The following CD70 variants were observed in gnomAD, a reference collection of about 807,000 sequenced individuals.
CD70 encodes CD70 molecule, also known as CD70 antigen.
Under a neutral mutation model 9.0 loss-of-function variants are expected in CD70, and 6 were observed. That is an observed-to-expected ratio of 0.67 (90% confidence interval 0.37 to 1.32). CD70 has a LOEUF of 1.32. Ranked by LOEUF, CD70 falls within the 40% of genes most tolerant of loss-of-function variation. The pLI is 0.02. For missense variants in CD70, 235 were observed against 258.7 expected (o/e 0.91, Z 0.63); for synonymous variants, 108 against 112.3 (o/e 0.96, Z 0.24).
chr19:6,589,412 C>T (rs572530294), intron 2 of CD70, among the ~76,000 whole-genome samples: 2 of 147,824 alleles, frequency 1.4e-5, no homozygotes, highest in East Asian at 4.1e-4. Context: ...ATTTATTTGA[C>T]AGAATCTCCC....
At chr19:6,586,828 T>C (rs1375106588) in intron 2 of CD70, among the ~76,000 whole-genome samples, 1 of 131,128 alleles carries the variant, frequency 7.6e-6, no homozygotes, top group East Asian at 2.2e-4. Context: ...AGGTTAGAGA[T>C]CTAAAGGGAA....
Position 6,590,559 on chromosome 19 carries a change from G to A in CD70, c.162+282C>T, listed in dbSNP as rs916629884. On this transcript the variant is annotated intron_variant, in intron 1 of 2. Transcript: ENST00000245903. The surrounding 1 kb of genome is among the most constrained non-coding windows in gnomAD (Gnocchi z 5.3). ...GCCCAGCCTTGTGAAGCCCCCAGCA[G>A]CCTCTGAGTCAGCCTGCCGGGGGAA... Among the ~76,000 whole-genome samples the A allele has an allele frequency of 6.6e-6, 1 of 152,128 alleles. No homozygotes were observed. Among genetic ancestry groups the A allele is most frequent in the Non-Finnish European group, 1.5e-5 (1 of 68,000 alleles).
At chr19:6,585,436 C>T (rs988676880), downstream of CD70, among the ~76,000 whole-genome samples, 17 of 150,926 alleles carry the variant, frequency 1.1e-4, no homozygotes, top group African/African-American at 3.7e-4. Flanking sequence ...CCTTTGACCT[C>T]CTGGGCTCTA....
downstream of CD70, among the ~76,000 whole-genome samples, chr19:6,584,144 TA>T (rs56703384): frequency 1.8e-3 from 241 of 133,504 alleles, 1 homozygote; most frequent in Middle Eastern, 3.8e-3. Context: ...CTTCTCATTG[TA>T]AAAAAAAAAA....
chr19:6,584,492 C>A (rs888918490), downstream of CD70, among the ~76,000 whole-genome samples: 3 of 140,946 alleles, frequency 2.1e-5, no homozygotes, highest in Non-Finnish European at 3.1e-5. Flanking sequence ...GACAACAGGG[C>A]GAGACTCCAT....
In CD70 at chr19:6,590,088, C is replaced by T. The variant is rs775413549; in HGVS notation, c.196+15G>A. 9 of 1,610,892 alleles carry T rather than the reference C, an allele frequency of 5.6e-6. No individual in the cohort carries two copies. The highest frequency in any genetic ancestry group is 5.0e-5 in the Admixed American group (3 of 59,892). ...GCCTCTTCTTCTCCCCGTCCCTCCA[C>T]GTCCCCCGTGTTACCTGTGTGATTC... On this transcript the variant is annotated intron_variant, in intron 2 of 2. Coordinates refer to ENST00000245903, the MANE Select transcript of CD70 (RefSeq NM_001252.5). The surrounding 1 kb of genome is among the most constrained non-coding windows in gnomAD (Gnocchi z 5.3).
At chr19:6,582,195 AT>A (rs142116911), downstream of CD70, among the ~76,000 whole-genome samples, 43,226 of 145,648 alleles carry the variant, frequency 0.3, 6,681 homozygotes, top group East Asian at 0.66. Flanking sequence ...CGCCTGGCTA[AT>A]TTTTTTTTTT....
intron 2 of CD70, among the ~76,000 whole-genome samples, chr19:6,587,565 C>T (rs1916056156): frequency 6.6e-6 from 1 of 152,136 alleles, no homozygotes; most frequent in Admixed American, 6.5e-5. Flanking sequence ...AGAGAATTCC[C>T]CAAGGGACGC....
At position 6,590,279 on chromosome 19, in the gene CD70, TA is replaced by T; in HGVS notation, c.163-144del. 3.0e-6 allele frequency: 2 copies of T among 663,090 alleles called. No individual in the cohort carries two copies. The highest frequency in any genetic ancestry group is 2.5e-5 in the Admixed American group (1 of 40,648). The allele number at this position is 663,090 out of a possible 1,614,324, so 41.1% of individuals were successfully genotyped here. ...GCGCACTGGTGATTTTATTTCATTT[TA>T]TTTTTTTTTACTCTTAAGACTTCTT... On this transcript the variant is annotated intron_variant, in intron 1 of 2. Transcript: ENST00000245903. The surrounding 1 kb of genome is among the most constrained non-coding windows in gnomAD (Gnocchi z 5.3).
At chr19:6,583,678 C>A (rs182883871), downstream of CD70, among the ~76,000 whole-genome samples, 1 of 151,544 alleles carries the variant, frequency 6.6e-6, no homozygotes, top group African/African-American at 2.4e-5. Flanking sequence ...CCTGTCTCAG[C>A]CTCCCTAGTA....
At position 6,590,978 on chromosome 19, in the gene CD70, A is replaced by G; in HGVS notation, c.25T>C (p.Ser9Pro). The G allele has an allele frequency of 6.2e-7, 1 of 1,611,222 alleles. No individual in the cohort carries two copies. The highest frequency in any genetic ancestry group is 8.5e-7 in the Non-Finnish European group (1 of 1,178,416). The change falls in exon 1 of 3, where the codon TCG becomes CCG. Residue 9 changes from serine (S) to proline (P), a missense_variant. Ser to Pro is a moderately conservative substitution (Grantham distance 74). Transcript: ENST00000245903. This position sits in a 1 kb window ranked among gnomAD's most constrained non-coding sequence, Gnocchi z 5.3. ...CACCCATAGGGCCTGCGCCGCACCG[A>G]GCAGCCCGAACCCTCCTCCGGCATC... is the stretch of plus-strand genomic sequence containing the variant. Reference protein sequence around the residue: MPEEGSGCSVRRRPYGCVL... With the variant: MPEEGSGCPVRRRPYGCVL...
At chr19:6,586,681 C>T (rs904252387) in intron 2 of CD70, among the ~76,000 whole-genome samples, 9 of 151,880 alleles carry the variant, frequency 5.9e-5, no homozygotes, top group African/African-American at 1.9e-4. Context: ...GCCTCTGGTC[C>T]TGGCTACTCT....
downstream of CD70, among the ~76,000 whole-genome samples, chr19:6,582,478 T>C (rs1448012001): frequency 6.6e-6 from 1 of 151,824 alleles, no homozygotes; most frequent in South Asian, 2.1e-4. Flanking sequence ...TTACATTAGG[T>C]ATTTCTCCTA....
At chr19:6,587,032 G>A (rs955161875) in intron 2 of CD70, among the ~76,000 whole-genome samples, 5 of 151,730 alleles carry the variant, frequency 3.3e-5, no homozygotes, top group Non-Finnish European at 7.4e-5. Context: ...GAGAGTGCAC[G>A]AGAGAGTGCG....
chr19:6,589,762 GTTCT>G (rs1406730112), intron 2 of CD70, among the ~76,000 whole-genome samples: 1 of 144,226 alleles, frequency 6.9e-6, no homozygotes, highest in Non-Finnish European at 1.5e-5. Context: ...CCTCTCTCTC[GTTCT>G]GTCTCCCCCG....
At chr19:6,584,744 C>T (rs1022562939), downstream of CD70, among the ~76,000 whole-genome samples, 15 of 147,604 alleles carry the variant, frequency 1.0e-4, no homozygotes, top group Non-Finnish European at 1.8e-4. Flanking sequence ...CCTGTGCTGG[C>T]GGTCCTAGCT....
intron 2 of CD70, among the ~76,000 whole-genome samples, chr19:6,587,597 C>G (rs1394503217): frequency 6.6e-6 from 1 of 151,462 alleles, no homozygotes; most frequent in Non-Finnish European, 1.5e-5. Context: ...ACACCCTGAA[C>G]GCCAATAAAA....
Position 6,585,947 on chromosome 19 carries a change from T to C in CD70, c.*73A>G. ...TCCCACCCCAACCCCGGGTGGCCCC[T>C]GTGTGTACACTTTTTCTCTTGAACT... On this transcript the variant is annotated 3_prime_UTR_variant, in exon 3 of 3. Coordinates refer to ENST00000245903, the MANE Select transcript of CD70 (RefSeq NM_001252.5). 3.2e-6 allele frequency: 4 copies of C among 1,257,422 alleles called. No individual in the cohort carries two copies. Among genetic ancestry groups the C allele is most frequent in the Non-Finnish European group, 4.4e-6 (4 of 919,234 alleles). 77.9% of individuals were successfully genotyped at this position (1,257,422 alleles called of 1,614,324 possible). A position where few individuals can be genotyped will look rare whatever the true frequency, so the allele number is the denominator to read the frequency against.
downstream of CD70, among the ~76,000 whole-genome samples, chr19:6,581,884 G>C (rs1004719794): frequency 6.6e-6 from 1 of 152,120 alleles, no homozygotes; most frequent in African/African-American, 2.4e-5. Flanking sequence ...CGTCCCTTCT[G>C]TGAGCCTGTA....
Sources: allele counts gnomAD v4.1 joint callset (sites outside exome capture counted in the v4.1 genomes callset), GRCh38; gene constraint gnomAD v4.1.1; non-coding constraint Gnocchi (gnomAD v3.1); transcripts MANE v1.5; gene names NCBI Gene and HGNC (gene_info 2026-07-23, HGNC 2026-07-21).